Variants in TUT1 observed in about 807,000 individuals in gnomAD.
The protein encoded by TUT1 is speckle targeted PIP5K1A-regulated poly(A) polymerase.
TUT1 carries 26 observed loss-of-function variants against 48.8 expected under a neutral mutation model. The observed-to-expected ratio is 0.53, with a 90% CI of 0.39 to 0.74. The LOEUF is 0.74. Among genes scored for constraint, TUT1 ranks in the 30% least tolerant of loss-of-function variants. The probability of loss-of-function intolerance (pLI) is 0.00; values close to 1 mark genes in which losing one functional copy is unlikely to be tolerated. For missense variants in TUT1, 1,065 were observed against 1,114.8 expected (o/e 0.96, Z 0.64); for synonymous variants, 470 against 460.8 (o/e 1.02, Z -0.26).
intron 2 of TUT1, among the ~76,000 whole-genome samples, chr11:62,585,368 A>T (rs1258732286): frequency 6.6e-6 from 1 of 152,224 alleles, no homozygotes; most frequent in African/African-American, 2.4e-5. Flanking sequence ...TGCCCAGGCC[A>T]GTCTTCTGAC....
chr11:62,589,349 T>G (rs1331411948), intron 1 of TUT1, 128 bp from the exon 2 acceptor site: 3 of 773,518 alleles, frequency 3.9e-6, no homozygotes, highest in Non-Finnish European at 6.1e-6. Flanking sequence ...ATAAACAAAG[T>G]CCTGGCTCCT....
chr11:62,587,770 G>C (rs1173279920), intron 2 of TUT1, among the ~76,000 whole-genome samples: 1 of 152,160 alleles, frequency 6.6e-6, no homozygotes, highest in Non-Finnish European at 1.5e-5. Flanking sequence ...GATCACCTAA[G>C]CCATGCCTAC....
rs1457494376 is a variant in TUT1 at position 62,580,969 on chromosome 11, A to G, written c.690+137T>C. ...CCATATTCACATCTCTCCAATTACAATAAACTCTTTCAGGTAGGTCCTATT... is the reference window on the plus strand; with the variant it reads ...CCATATTCACATCTCTCCAATTACAGTAAACTCTTTCAGGTAGGTCCTATT... On this transcript the variant is annotated intron_variant, in intron 4 of 8. Transcript: ENST00000476907. 3.1e-5 allele frequency: 21 copies of G among 685,924 alleles called. No homozygotes were observed. In the East Asian group the frequency reaches 5.4e-4, roughly 18 times the overall value. The allele number at this position is 685,924 out of a possible 1,614,324, so 42.5% of individuals were successfully genotyped here.
At chr11:62,578,063 CAAAAA>C (rs200086998) in intron 5 of TUT1, among the ~76,000 whole-genome samples, 2 of 107,120 alleles carry the variant, frequency 1.9e-5, no homozygotes, top group African/African-American at 3.7e-5. Context: ...CTCCGTCTCA[CAAAAA>C]AAAAAAAAAA....
intron 1 of TUT1, 47 bp from the exon 2 acceptor site, chr11:62,589,268 G>A (rs762370202): frequency 2.8e-5 from 44 of 1,581,446 alleles, no homozygotes; most frequent in South Asian, 1.9e-4. Flanking sequence ...ACTCTTCGAC[G>A]TGTCTGCCTT....
chr11:62,582,733 A>G (rs1340326796), intron 2 of TUT1: 1 of 311,112 alleles, frequency 3.2e-6, no homozygotes, highest in East Asian at 9.4e-5. Flanking sequence ...TGATTACACT[A>G]TGACCCACCC....
intron 4 of TUT1, among the ~76,000 whole-genome samples, chr11:62,579,642 C>A (rs1941792770): frequency 6.6e-6 from 1 of 151,032 alleles, no homozygotes; most frequent in Admixed American, 6.6e-5. Context: ...GAATCTAACA[C>A]TGCTCTAAAA....
chr11:62,580,141 A>C (rs767323531), intron 4 of TUT1, among the ~76,000 whole-genome samples: 3 of 151,976 alleles, frequency 2.0e-5, no homozygotes, highest in Non-Finnish European at 2.9e-5. Flanking sequence ...CCTAAACAGA[A>C]TCTGTACATT....
Position 62,581,963 on chromosome 11 carries a change from T to C in TUT1, c.274-262A>G, listed in dbSNP as rs139218990. On this transcript the variant is annotated intron_variant, in intron 2 of 8. Transcript: ENST00000476907. ...GAGTTGGAGACCAACCAGGGCAACA[T>C]AGTGAGATCCCATCTCTACAAACAA... 3.3e-4 allele frequency among the ~76,000 whole-genome samples: 50 copies of C among 151,960 alleles called. 1 individual carries two copies. In the East Asian group the frequency reaches 8.8e-3, roughly 27 times the overall value.
At chr11:62,582,454 G>C (rs1394558482) in intron 2 of TUT1, 1 of 302,444 alleles carries the variant, frequency 3.3e-6, no homozygotes, top group Admixed American at 4.4e-5. Flanking sequence ...AAATTAGCCA[G>C]GCATGGCAGC....
rs1941819315 is a variant in TUT1, at chr11:62,581,211, G to A, written c.590-5C>T. Reference sequence around the variant, plus strand: ...CAAAAGGGTGGACCACACAGCCTGGGTGCCGAGCAGAGAAGAAAGGTCAAG... The same window carrying A: ...CAAAAGGGTGGACCACACAGCCTGGATGCCGAGCAGAGAAGAAAGGTCAAG... On this transcript the variant is annotated splice_region_variant and splice_polypyrimidine_tract_variant and intron_variant, in intron 3 of 8. Coordinates refer to ENST00000476907, the MANE Select transcript of TUT1 (RefSeq NM_022830.3). The A allele has an allele frequency of 1.2e-6, 2 of 1,613,840 alleles. No homozygotes were observed. Among genetic ancestry groups the A allele is most frequent in the East Asian group, 2.2e-5 (1 of 44,890 alleles).
rs1368464322 is a variant in TUT1, at chr11:62,581,746, T to C, written c.274-45A>G. 4 of 1,319,228 alleles carry C rather than the reference T, an allele frequency of 3.0e-6. No homozygotes were observed. The East Asian group carries it at 1.2e-4, about 40-fold the overall frequency. 81.7% of individuals were successfully genotyped at this position (1,319,228 alleles called of 1,614,324 possible). ...GAGATGATGATTTTGGAACCAAGAA[T>C]CTAAGCACGAGATCTACAGTGGATG... On this transcript the variant is annotated intron_variant, in intron 2 of 8. Coordinates refer to ENST00000476907, the MANE Select transcript of TUT1 (RefSeq NM_022830.3).
At position 62,575,433 on chromosome 11, in the gene TUT1, G is replaced by C; in HGVS notation, c.2286C>G (p.Ser762=). ...ACAAGGCACAGCGCCAGCTCGCTGA[G>C]GAGGGCAGGGATGCCCCCTTCCCTG... ...GEAGKGASLP[S]SASWRCALWH... The change falls in exon 9 of 9, where the codon TCC becomes TCG. Residue 762 remains serine (S), a synonymous_variant. Transcript: ENST00000476907. 6.2e-7 allele frequency: 1 copy of C among 1,611,172 alleles called. No homozygotes were observed. The highest frequency in any genetic ancestry group is 8.5e-7 in the Non-Finnish European group (1 of 1,179,956).
intron 1 of TUT1, among the ~76,000 whole-genome samples, chr11:62,590,544 G>C (rs929132393): frequency 6.6e-6 from 1 of 152,100 alleles, no homozygotes; most frequent in African/African-American, 2.4e-5. Flanking sequence ...GGCTGAGGCA[G>C]GAGAATGGGG....
At chr11:62,586,366 C>T (rs1271208373) in intron 2 of TUT1, among the ~76,000 whole-genome samples, 1 of 152,226 alleles carries the variant, frequency 6.6e-6, no homozygotes, top group Non-Finnish European at 1.5e-5. Context: ...GTGTCTTAAA[C>T]TCCCAAATCT....
intron 2 of TUT1, among the ~76,000 whole-genome samples, chr11:62,586,026 C>A (rs1941909055): frequency 6.6e-6 from 1 of 152,108 alleles, no homozygotes; most frequent in African/African-American, 2.4e-5. Flanking sequence ...CACTTGAACC[C>A]GGGAGCCAGA....
At chr11:62,580,722 C>A (rs1169272487) in intron 4 of TUT1, among the ~76,000 whole-genome samples, 1 of 150,162 alleles carries the variant, frequency 6.7e-6, no homozygotes, top group Non-Finnish European at 1.5e-5. Flanking sequence ...CCTGCCTCGG[C>A]CTCCCAAGTA....
intron 2 of TUT1, among the ~76,000 whole-genome samples, chr11:62,584,067 T>C (rs1044252881): frequency 1.3e-5 from 2 of 152,020 alleles, no homozygotes; most frequent in African/African-American, 4.8e-5. Flanking sequence ...GTGAAAACAT[T>C]CTGGAATCAG....
chr11:62,590,003 A>G (rs1047454452), intron 1 of TUT1, among the ~76,000 whole-genome samples: 1 of 152,262 alleles, frequency 6.6e-6, no homozygotes, highest in African/African-American at 2.4e-5. Flanking sequence ...AGAGTCTGGT[A>G]CACGGTAAAT....
Sources: gnomAD v4.1 joint callset for allele counts (sites outside exome capture counted in the v4.1 genomes callset) on GRCh38, gnomAD v4.1.1 for gene constraint, MANE v1.5 for transcripts, NCBI Gene and HGNC (gene_info 2026-07-23, HGNC 2026-07-21) for gene names.